LINGO1: variants seen among roughly 807,000 people sequenced by gnomAD.
LINGO1 encodes leucine rich repeat and Ig domain containing 1, also known as leucine-rich repeat and immunoglobulin-like domain-containing nogo receptor-interacting protein 1.
Under a neutral mutation model 37.3 loss-of-function variants are expected in LINGO1, and 11 were observed. The observed-to-expected ratio is 0.29, with a 90% CI of 0.19 to 0.49. The LOEUF is 0.49. LINGO1 is among the 20% of genes least tolerant of loss of function. The pLI, the probability that LINGO1 is intolerant of heterozygous loss-of-function variation, is 0.99. For missense variants in LINGO1, 585 were observed against 878.2 expected, an observed-to-expected ratio of 0.67 and a Z score of 4.22; for synonymous variants, 387 against 403.0, an observed-to-expected ratio of 0.96 and a Z score of 0.48.
Position 77,742,963 on chromosome 15 carries a change from G to C in LINGO1, c.-256-7910C>G, listed in dbSNP as rs59096041. Reference sequence around the variant, plus strand: ...GATGCTCCAAGAAAGCTTGGGGTGCGGTGAGAGGATGGACAGAACCCACGG... The same window carrying C: ...GATGCTCCAAGAAAGCTTGGGGTGCCGTGAGAGGATGGACAGAACCCACGG... On this transcript the variant is annotated intron_variant, in intron 1 of 3. Transcript: ENST00000561686. 1.6e-4 allele frequency among the ~76,000 whole-genome samples: 24 copies of C among 152,328 alleles called. No homozygotes were observed. The East Asian group carries it at 4.6e-3, about 29-fold the overall frequency.
intron 3 of LINGO1, chr15:77,646,333 C>T: frequency 2.6e-6 from 1 of 387,648 alleles, no homozygotes; most frequent in South Asian, 1.9e-5. Flanking sequence ...ATGGAGGCGC[C>T]TCCCCAGGAT....
intron 3 of LINGO1, among the ~76,000 whole-genome samples, chr15:77,659,674 C>T (rs2074944878): frequency 6.6e-6 from 1 of 152,208 alleles, no homozygotes; most frequent in East Asian, 1.9e-4. Flanking sequence ...AAAGAGTGGC[C>T]AGTCACCTTC....
intron 2 of LINGO1, among the ~76,000 whole-genome samples, chr15:77,717,670 G>A (rs1169797913): frequency 6.6e-6 from 1 of 150,910 alleles, no homozygotes; most frequent in Non-Finnish European, 1.5e-5. Flanking sequence ...GCACTAAGAA[G>A]GAAGACAGCC....
intron 2 of LINGO1, among the ~76,000 whole-genome samples, chr15:77,795,178 G>A (rs1396199761): frequency 6.6e-6 from 1 of 152,166 alleles, no homozygotes; most frequent in Non-Finnish European, 1.5e-5. Context: ...CCCAGATATG[G>A]GGTAGAGGTG....
chr15:77,680,255 G>A (rs769033776), intron 2 of LINGO1, among the ~76,000 whole-genome samples: 2 of 152,150 alleles, frequency 1.3e-5, no homozygotes, highest in South Asian at 4.1e-4. Context: ...ATCCCACACC[G>A]GGCATGGAAT....
intron 1 of LINGO1, among the ~76,000 whole-genome samples, chr15:77,799,483 C>T (rs1406589178): frequency 6.6e-6 from 1 of 152,214 alleles, no homozygotes; most frequent in Non-Finnish European, 1.5e-5. Flanking sequence ...TGGTATTTCT[C>T]ATTAGCACCC....
intron 1 of LINGO1, among the ~76,000 whole-genome samples, chr15:77,812,105 A>C (rs1033340490): frequency 6.6e-6 from 1 of 152,176 alleles, no homozygotes; most frequent in East Asian, 1.9e-4. Flanking sequence ...CGCTTTTCAC[A>C]AATTCCACTG....
intron 3 of LINGO1, chr15:77,647,906 C>T (rs1175731944): frequency 4.4e-6 from 2 of 456,540 alleles, no homozygotes; most frequent in South Asian, 1.5e-5. Context: ...GGCTACGTTG[C>T]ACATTCCCCT....
chr15:77,777,479 A>G (rs879624364), intron 1 of LINGO1, among the ~76,000 whole-genome samples: 7,474 of 81,576 alleles, frequency 0.092, 238 homozygotes, highest in African/African-American at 0.15. Flanking sequence ...ACACACACAC[A>G]CACACACACA....
chr15:77,631,676 T>G (rs1178514587), intron 1 of LINGO1, among the ~76,000 whole-genome samples: 1 of 152,074 alleles, frequency 6.6e-6, no homozygotes, highest in East Asian at 1.9e-4. Context: ...CAAGAGGAGG[T>G]GAGAAGCCCG....
chr15:77,616,184 G>A (rs1370872270), intron 1 of LINGO1, among the ~76,000 whole-genome samples: 6 of 152,168 alleles, frequency 3.9e-5, no homozygotes, highest in African/African-American at 1.2e-4. Flanking sequence ...TGGCATTGGC[G>A]CCACCTCCTT....
chr15:77,686,887 C>T lies in LINGO1; in HGVS notation c.-99+3833G>A, dbSNP rs968862422. Among the ~76,000 whole-genome samples the T allele has an allele frequency of 9.8e-5, 15 of 152,348 alleles. No individual in the cohort carries two copies. The Middle Eastern group carries it at 0.01, about 104-fold the overall frequency. ...ACCTGTTTGCTTGTGCCCCCACTAG[C>T]CCTGTGGGCAGGGATCATGGCTGAT... On this transcript the variant is annotated intron_variant, in intron 2 of 3. Coordinates refer to the LINGO1 transcript ENST00000559893.
upstream of LINGO1, among the ~76,000 whole-genome samples, chr15:77,697,028 G>A (rs2075704833): frequency 6.6e-6 from 1 of 152,274 alleles, no homozygotes; most frequent in African/African-American, 2.4e-5. Context: ...TAAGGCACAA[G>A]GCAGGGCTTG....
chr15:77,664,534 G>A (rs2075086977), intron 3 of LINGO1, among the ~76,000 whole-genome samples: 1 of 152,186 alleles, frequency 6.6e-6, no homozygotes, highest in Admixed American at 6.5e-5. Context: ...TCCCGGTCAG[G>A]AGAGCAGTGT....
intron 1 of LINGO1, among the ~76,000 whole-genome samples, chr15:77,765,331 C>A (rs2076516850): frequency 6.6e-6 from 1 of 151,770 alleles, no homozygotes; most frequent in African/African-American, 2.4e-5. Context: ...ATGAGAATCG[C>A]TTGAACCCAG....
intron 1 of LINGO1, among the ~76,000 whole-genome samples, chr15:77,771,284 C>G (rs2076582711): frequency 6.6e-6 from 1 of 152,218 alleles, no homozygotes; most frequent in South Asian, 2.1e-4. Flanking sequence ...CACATTCACA[C>G]CTTTCCCAAC....
chr15:77,715,361 T>C (rs1038199539), intron 2 of LINGO1, among the ~76,000 whole-genome samples: 3 of 152,152 alleles, frequency 2.0e-5, no homozygotes, highest in Admixed American at 1.3e-4. Flanking sequence ...AGCCTGAATA[T>C]CACTGTTGGA....
At chr15:77,756,485 GAC>G (rs35031617) in intron 1 of LINGO1, among the ~76,000 whole-genome samples, 10,374 of 140,462 alleles carry the variant, frequency 0.074, 432 homozygotes, top group African/African-American at 0.13. Flanking sequence ...CAGACAGACA[GAC>G]ACACACACAC....
intron 2 of LINGO1, among the ~76,000 whole-genome samples, chr15:77,718,709 C>T (rs1039731041): frequency 1.3e-5 from 2 of 150,736 alleles, no homozygotes; most frequent in African/African-American, 2.4e-5. Context: ...GTCACAACTG[C>T]GTGGCCTTGG....
Sources: gnomAD v4.1 joint callset for allele counts (sites outside exome capture counted in the v4.1 genomes callset) on GRCh38, gnomAD v4.1.1 for gene constraint, MANE v1.5 for transcripts, NCBI Gene and HGNC (gene_info 2026-07-23, HGNC 2026-07-21) for gene names.